The following CLEC16A variants were observed in gnomAD, a reference collection of about 807,000 sequenced individuals.
The protein encoded by CLEC16A is protein CLEC16A.
A neutral mutation model predicts 109.5 loss-of-function variants in CLEC16A; 51 were observed. The observed-to-expected ratio is 0.47, with a 90% CI of 0.37 to 0.59. The LOEUF (loss-of-function observed/expected upper bound fraction) is 0.59. Ranked by LOEUF, CLEC16A falls within the 20% of genes least tolerant of loss-of-function variation. CLEC16A has a pLI of 0.00. For missense variants in CLEC16A, 1,339 were observed against 1,394.0 expected (o/e 0.96, Z 0.63); for synonymous variants, 673 against 564.2 (o/e 1.19, Z -2.73).
chr16:10,990,994 G>T (rs2043971913), intron 10 of CLEC16A, among the ~76,000 whole-genome samples: 1 of 152,070 alleles, frequency 6.6e-6, no homozygotes, highest in African/African-American at 2.4e-5. Flanking sequence ...ATAATTATTG[G>T]GTATCTGCCG....
At chr16:10,953,023 TGAA>T (rs1427962499) in intron 1 of CLEC16A, among the ~76,000 whole-genome samples, 1 of 152,120 alleles carries the variant, frequency 6.6e-6, no homozygotes, top group African/African-American at 2.4e-5. Context: ...TTTGTGGAAA[TGAA>T]GAAGGTGATT....
chr16:11,051,695 C>G lies in CLEC16A; in HGVS notation c.1995+54C>G, dbSNP rs1390942359. ...TGGGCCACTGTTCTCCAGAACCACT[C>G]CCAGACCAGGGAGGAAAGGGCTTCT... On this transcript the variant is annotated intron_variant, in intron 18 of 23. Coordinates refer to ENST00000409790, the MANE Select transcript of CLEC16A (RefSeq NM_015226.3). 3.8e-6 allele frequency: 6 copies of G among 1,596,658 alleles called. No individual in the cohort carries two copies. In the East Asian group the frequency reaches 9.0e-5, roughly 24 times the overall value.
At chr16:11,105,911 A>G (rs2051192774) in intron 19 of CLEC16A, among the ~76,000 whole-genome samples, 1 of 152,246 alleles carries the variant, frequency 6.6e-6, no homozygotes, top group Non-Finnish European at 1.5e-5. Context: ...GCTGGGAGAC[A>G]TGAAGATTCT....
Position 10,977,306 on chromosome 16 carries a change from C to T in CLEC16A, c.810C>T (p.Ile270=). The T allele has an allele frequency of 1.9e-6, 3 of 1,614,004 alleles. No individual in the cohort carries two copies. The highest frequency in any genetic ancestry group is 2.5e-6 in the Non-Finnish European group (3 of 1,179,876). The change falls in exon 8 of 24, where the codon ATC becomes ATT. Residue 270 remains isoleucine, a synonymous_variant. Coordinates refer to ENST00000409790, the MANE Select transcript of CLEC16A (RefSeq NM_015226.3). ...HLHYLNDILI[I]NCEFLNDVLT... is the part of the protein sequence containing the mutation. ...ACTATCTCAATGACATCCTGATCAT[C>T]AACTGTGAGTTCCTCAACGATGTGC...
chr16:11,087,853 A>G (rs946743986), intron 19 of CLEC16A, among the ~76,000 whole-genome samples: 1 of 152,182 alleles, frequency 6.6e-6, no homozygotes, highest in African/African-American at 2.4e-5. Flanking sequence ...CTTCCACACA[A>G]GGTGGCTGGG....
chr16:11,160,824 G>A lies in CLEC16A; in HGVS notation c.2642-5564G>A, dbSNP rs143384236. Among the ~76,000 whole-genome samples, 952 of 152,306 alleles carry A rather than the reference G, an allele frequency of 6.3e-3. 7 individuals carry two copies. Among genetic ancestry groups the A allele is most frequent in the African/African-American group, 0.021 (891 of 41,536 alleles). On this transcript the variant is annotated intron_variant, in intron 22 of 23. Transcript: ENST00000409790. ...CAGTGCTCTGCTGTCCCTAATGTGT[G>A]ATTCATCCTCATAGCTCAGGGCAGC...
In CLEC16A at chr16:11,178,759, A is replaced by G. The variant is rs772311974; in HGVS notation, c.*69A>G. 1 of 1,242,876 alleles carries G rather than the reference A, an allele frequency of 8.0e-7. No homozygotes were observed. Among genetic ancestry groups the G allele is most frequent in the Non-Finnish European group, 1.1e-6 (1 of 923,884 alleles). 77.0% of individuals were successfully genotyped at this position (1,242,876 alleles called of 1,614,324 possible). ...GGGACCCCAGTGCCGCTGACTGGCA[A>G]GACACACTGGGAGCACCCACCATTC... On this transcript the variant is annotated 3_prime_UTR_variant, in exon 24 of 24. Coordinates refer to ENST00000409790, the MANE Select transcript of CLEC16A (RefSeq NM_015226.3). The surrounding 1 kb of genome is among the most constrained non-coding windows in gnomAD (Gnocchi z 6.5).
intron 13 of CLEC16A, among the ~76,000 whole-genome samples, chr16:11,025,709 C>T (rs2046368333): frequency 6.6e-6 from 1 of 151,766 alleles, no homozygotes; most frequent in African/African-American, 2.4e-5. Context: ...TTTACTAAGA[C>T]AGCCTATGGC....
intron 10 of CLEC16A, among the ~76,000 whole-genome samples, 164 bp from the exon 11 acceptor site, chr16:11,002,910 A>G (rs1292954636): frequency 1.3e-5 from 2 of 151,908 alleles, no homozygotes; most frequent in African/African-American, 4.8e-5. Context: ...TGTCTTTGCT[A>G]TTGTGAATAG....
At chr16:10,979,282 C>T (rs777850454) in intron 8 of CLEC16A, 47 bp from the exon 9 acceptor site, 1 of 1,570,518 alleles carries the variant, frequency 6.4e-7, no homozygotes, top group Non-Finnish European at 8.7e-7. Flanking sequence ...GTGCTGCTCG[C>T]TTGTGTGACC....
chr16:11,043,991 G>C, intron 15 of CLEC16A, 37 bp from the exon 16 acceptor site: 1 of 1,568,636 alleles, frequency 6.4e-7, no homozygotes, highest in Non-Finnish European at 8.7e-7. Flanking sequence ...ACCTATATGA[G>C]ACCTGCCTCC....
At chr16:11,109,108 C>CAAAAAAA (rs33997945) in intron 19 of CLEC16A, among the ~76,000 whole-genome samples, 1 of 58,240 alleles carries the variant, frequency 1.7e-5, no homozygotes, top group Non-Finnish European at 3.1e-5. Flanking sequence ...GAGACTGTCT[C>CAAAAAAA]AAAAAAAAAA....
chr16:11,129,638 G>T (rs1437690612), intron 22 of CLEC16A, among the ~76,000 whole-genome samples: 1 of 152,228 alleles, frequency 6.6e-6, no homozygotes, highest in East Asian at 1.9e-4. Context: ...TCTGTACCCA[G>T]ATGTTGGTGT....
At chr16:10,978,276 C>T (rs1438798612) in intron 8 of CLEC16A, among the ~76,000 whole-genome samples, 1 of 152,166 alleles carries the variant, frequency 6.6e-6, no homozygotes, top group Non-Finnish European at 1.5e-5. Context: ...TCTCAGGGCC[C>T]CCCTGTGAGG....
intron 19 of CLEC16A, among the ~76,000 whole-genome samples, chr16:11,106,650 T>C (rs190626417): frequency 3.2e-4 from 48 of 151,826 alleles, no homozygotes; most frequent in Admixed American, 3.1e-3. Flanking sequence ...ACACCTGGCT[T>C]CTCTTCTTTT....
Position 11,032,183 on chromosome 16 carries a change from G to T in CLEC16A, c.1537+7262G>T, listed in dbSNP as rs531353668. On this transcript the variant is annotated intron_variant, in intron 13 of 23. Transcript: ENST00000409790. The stretch of plus-strand genomic sequence containing the variant: ...GCAAGAAGGGGCATGAGAGCCTGTG[G>T]CATATCCATCAGATCACTGCCCGTT... Among the ~76,000 whole-genome samples the T allele has an allele frequency of 3.3e-5, 5 of 152,314 alleles. No homozygotes were observed. The East Asian group carries it at 7.7e-4, about 24-fold the overall frequency.
At chr16:10,989,496 A>G (rs1436885739) in intron 10 of CLEC16A, among the ~76,000 whole-genome samples, 2 of 152,136 alleles carry the variant, frequency 1.3e-5, no homozygotes, top group Admixed American at 1.3e-4. Flanking sequence ...TGGCCTCGCA[A>G]AGTGCTGGGA....
intron 11 of CLEC16A, among the ~76,000 whole-genome samples, chr16:11,019,220 A>T (rs1222034271): frequency 2.6e-5 from 4 of 152,198 alleles, no homozygotes; most frequent in Non-Finnish European, 5.9e-5. Context: ...CCACGCCCGC[A>T]CAGCCAAGAA....
chr16:10,976,994 T>G (rs1172789981), intron 7 of CLEC16A, among the ~76,000 whole-genome samples: 1 of 152,258 alleles, frequency 6.6e-6, no homozygotes, highest in African/African-American at 2.4e-5. Flanking sequence ...AGCAGCATTT[T>G]GCTTTGTTTA....
Sources: gnomAD v4.1 joint callset for allele counts (sites outside exome capture counted in the v4.1 genomes callset) on GRCh38, gnomAD v4.1.1 for gene constraint, Gnocchi (gnomAD v3.1) non-coding constraint, MANE v1.5 for transcripts, NCBI Gene and HGNC (gene_info 2026-07-23, HGNC 2026-07-21) for gene names.